ACTR3C: variants seen among roughly 807,000 people sequenced by gnomAD.
ACTR3C encodes actin related protein 3C.
In ACTR3C, 18 loss-of-function variants were observed where a neutral mutation model predicts 26.3. The observed-to-expected ratio is 0.68, with a 90% CI of 0.47 to 1.01. The LOEUF (loss-of-function observed/expected upper bound fraction) is 1.01, where lower values mean the gene tolerates loss of function less well. Among genes scored for constraint, ACTR3C ranks in the 50% least tolerant of loss-of-function variants. ACTR3C has a pLI of 0.00. For synonymous variants in ACTR3C, 55 were observed against 94.5 expected (o/e 0.58, Z 2.42); for missense variants, 184 against 250.7 (o/e 0.73, Z 1.80).
Position 150,247,408 on chromosome 7 carries a change from T to C in ACTR3C, c.*200A>G, listed in dbSNP as rs1421779840. On this transcript the variant is annotated 3_prime_UTR_variant, in exon 8 of 8. Coordinates refer to ENST00000683684, the MANE Select transcript of ACTR3C (RefSeq NM_001164458.2). ...GCCCCACGTAGTAAGGATGCAACAG[T>C]TTGTGGTTCTCTAGAGAGCTTTGCC... is the stretch of plus-strand genomic sequence containing the variant. The C allele has an allele frequency of 2.7e-5, 4 of 150,322 alleles. No individual in the cohort carries two copies. The Admixed American group carries it at 2.7e-4, about 10-fold the overall frequency. 9.3% of individuals were successfully genotyped at this position (150,322 alleles called of 1,614,324 possible).
the ACTR3C span, among the ~76,000 whole-genome samples, chr7:150,146,613 G>A: frequency 4.6e-5 from 7 of 152,022 alleles, no homozygotes; most frequent in African/African-American, 1.2e-4. Flanking sequence ...ATGTGACTAC[G>A]TTCTAGCTAC....
the ACTR3C span, among the ~76,000 whole-genome samples, chr7:149,912,368 A>C: frequency 2.6e-5 from 4 of 152,018 alleles, no homozygotes; most frequent in Admixed American, 2.0e-4. Flanking sequence ...TCAGATTCTT[A>C]AGTCACAACA....
the ACTR3C span, among the ~76,000 whole-genome samples, chr7:150,005,525 G>A: frequency 1.5e-4 from 23 of 152,030 alleles, 3 homozygotes; most frequent in Admixed American, 1.4e-3. Flanking sequence ...ACCTCCTTGC[G>A]TTACTGACCC....
the ACTR3C span, among the ~76,000 whole-genome samples, chr7:150,131,856 C>T: frequency 1.3e-5 from 2 of 152,192 alleles, no homozygotes; most frequent in African/African-American, 4.8e-5. Flanking sequence ...TAAATACACC[C>T]AATGGGATGG....
At chr7:150,319,533 T>C (rs1797281642) in intron 1 of ACTR3C, among the ~76,000 whole-genome samples, 1 of 152,222 alleles carries the variant, frequency 6.6e-6, no homozygotes, top group Non-Finnish European at 1.5e-5. Context: ...AGGGTCTGTC[T>C]AGCTCTGACA....
the ACTR3C span, among the ~76,000 whole-genome samples, chr7:150,050,463 A>C: frequency 6.6e-6 from 1 of 152,256 alleles, no homozygotes; most frequent in Non-Finnish European, 1.5e-5. Flanking sequence ...ATCTCAAATT[A>C]TCTAAGAAAA....
chr7:150,141,773 G>C, the ACTR3C span, among the ~76,000 whole-genome samples: 2,928 of 152,114 alleles, frequency 0.019, 54 homozygotes, highest in Middle Eastern at 0.054. Flanking sequence ...CAAGCAGGGG[G>C]TGTGGGAAGG....
the ACTR3C span, among the ~76,000 whole-genome samples, chr7:149,973,676 T>G: frequency 6.6e-6 from 1 of 152,056 alleles, no homozygotes; most frequent in Non-Finnish European, 1.5e-5. Context: ...GGCAATTCGG[T>G]CTGCGGGAGT....
intron 6 of ACTR3C, among the ~76,000 whole-genome samples, chr7:150,264,147 A>G (rs1833853510): frequency 1.3e-5 from 2 of 152,348 alleles, no homozygotes; most frequent in East Asian, 3.9e-4. Flanking sequence ...GATTCTGTGA[A>G]GGGAGGTCAC....
the ACTR3C span, among the ~76,000 whole-genome samples, chr7:150,137,654 A>G: frequency 6.6e-6 from 1 of 152,238 alleles, no homozygotes; most frequent in African/African-American, 2.4e-5. Flanking sequence ...AGAAAATAGT[A>G]CAAACCGTTT....
the ACTR3C span, among the ~76,000 whole-genome samples, chr7:150,182,782 A>T: frequency 1.3e-5 from 2 of 151,138 alleles, no homozygotes; most frequent in Non-Finnish European, 2.9e-5. Flanking sequence ...AACATTCAGG[A>T]CTATCAAATG....
At chr7:150,071,741 A>G in the ACTR3C span, among the ~76,000 whole-genome samples, 5 of 151,478 alleles carry the variant, frequency 3.3e-5, no homozygotes, top group African/African-American at 1.2e-4. Context: ...GGCCTCCCAT[A>G]AGTAAGGCCA....
At chr7:150,278,445 G>A (rs528535636) in intron 6 of ACTR3C, among the ~76,000 whole-genome samples, 6 of 152,312 alleles carry the variant, frequency 3.9e-5, no homozygotes, top group East Asian at 1.9e-4. Context: ...GCACGGACTC[G>A]GATTCTCATA....
At chr7:150,181,353 A>G in the ACTR3C span, among the ~76,000 whole-genome samples, 1 of 150,682 alleles carries the variant, frequency 6.6e-6, no homozygotes, top group Non-Finnish European at 1.5e-5. Flanking sequence ...GACTGAAGAT[A>G]GGAAAAAAAA....
the ACTR3C span, among the ~76,000 whole-genome samples, chr7:150,203,786 C>T: frequency 8.5e-5 from 13 of 152,168 alleles, no homozygotes; most frequent in African/African-American, 1.7e-4. Context: ...AGGCTGGTCT[C>T]GAACTCTTGA....
At chr7:150,180,156 T>A in the ACTR3C span, among the ~76,000 whole-genome samples, 11 of 79,506 alleles carry the variant, frequency 1.4e-4, no homozygotes, top group East Asian at 1.9e-3. Context: ...ATACAAAAAA[T>A]TAGCCGGGCG....
the ACTR3C span, chr7:150,045,207 G>C: frequency 6.6e-6 from 1 of 151,934 alleles, no homozygotes; most frequent in African/African-American, 2.4e-5. Context: ...GTCTTTTTTT[G>C]TTTTTGTTTT....
At chr7:150,036,983 G>C in the ACTR3C span, among the ~76,000 whole-genome samples, 1 of 42,902 alleles carries the variant, frequency 2.3e-5, no homozygotes, top group East Asian at 7.7e-4. Context: ...CCTGCCTCGC[G>C]GGGGGTGCCT....
the ACTR3C span, chr7:150,004,461 A>G: frequency 1.3e-5 from 2 of 152,154 alleles, no homozygotes; most frequent in East Asian, 3.8e-4. Context: ...TTGCCATCTG[A>G]CAACCATTGT....
Sources: gnomAD v4.1 joint callset for allele counts (sites outside exome capture counted in the v4.1 genomes callset) on GRCh38, gnomAD v4.1.1 for gene constraint, MANE v1.5 for transcripts, NCBI Gene and HGNC (gene_info 2026-07-23, HGNC 2026-07-21) for gene names.